The following TFAP2A variants were observed in gnomAD, a reference collection of about 807,000 sequenced individuals.
TFAP2A encodes the protein transcription factor AP-2 alpha, also known as transcription factor AP-2-alpha.
In TFAP2A, 7 loss-of-function variants were observed where a neutral mutation model predicts 41.5. The observed-to-expected ratio is 0.17, with a 90% CI of 0.10 to 0.32. The LOEUF is 0.32. Among genes scored for constraint, TFAP2A ranks in the 10% least tolerant of loss-of-function variants. The pLI is 1.00. For missense variants in TFAP2A, 416 were observed against 563.3 expected (o/e 0.74, Z 2.65); for synonymous variants, 247 against 242.8 (o/e 1.02, Z -0.16).
At chr6:10,413,723 T>C (rs899747183) in intron 1 of TFAP2A, among the ~76,000 whole-genome samples, 2 of 152,102 alleles carry the variant, frequency 1.3e-5, no homozygotes, top group African/African-American at 4.8e-5. Flanking sequence ...TAAAATAATC[T>C]TCAGAAAGAA....
At chr6:10,410,756 G>A in intron 1 of TFAP2A, 1 of 179,132 alleles carries the variant, frequency 5.6e-6, no homozygotes, top group Non-Finnish European at 1.2e-5. Context: ...TTTATTTGGA[G>A]AGAAAAAAAT....
rs753148250 is a variant in TFAP2A at position 10,415,026 on chromosome 6, C to G, written c.-35G>C. 3.1e-6 allele frequency: 5 copies of G among 1,613,952 alleles called. No individual in the cohort carries two copies. Among genetic ancestry groups the G allele is most frequent in the Admixed American group, 1.7e-5 (1 of 59,994 alleles). On this transcript the variant is annotated 5_prime_UTR_variant, in exon 1 of 7. Coordinates refer to ENST00000379613, the MANE Select transcript of TFAP2A (RefSeq NM_001372066.1). Reference sequence around the variant, plus strand: ...TGAACGGATATGCCCCTCTCGGTCTCGCACCCAAGTGGAGCTACTCTCTGG... The same window carrying G: ...TGAACGGATATGCCCCTCTCGGTCTGGCACCCAAGTGGAGCTACTCTCTGG...
intron 1 of TFAP2A, chr6:10,414,667 TC>T (rs1758167079): frequency 1.7e-6 from 1 of 586,064 alleles, no homozygotes; most frequent in Non-Finnish European, 3.0e-6. Flanking sequence ...GTTCTTCTTT[TC>T]CCCCATTCTT....
In TFAP2A at chr6:10,398,236, A is replaced by G. The variant is rs903119541; in HGVS notation, c.*181T>C. Reference sequence around the variant, plus strand: ...GAGTCGGAGAGGCTGCCCCACTGACAGTCGAGAGGGCAGTCCCGGAGACTC... The same window carrying G: ...GAGTCGGAGAGGCTGCCCCACTGACGGTCGAGAGGGCAGTCCCGGAGACTC... On this transcript the variant is annotated 3_prime_UTR_variant, in exon 7 of 7. Transcript: ENST00000379613. The surrounding 1 kb of genome is among the most constrained non-coding windows in gnomAD (Gnocchi z 5.3). 1 of 1,492,246 alleles carries G rather than the reference A, an allele frequency of 6.7e-7. No homozygotes were observed. The highest frequency in any genetic ancestry group is 2.1e-5 in the Admixed American group (1 of 46,702). 92.4% of individuals were successfully genotyped at this position (1,492,246 alleles called of 1,614,324 possible).
chr6:10,415,353 C>A, upstream of TFAP2A: 7 of 1,117,058 alleles, frequency 6.3e-6, no homozygotes, highest in Non-Finnish European at 8.1e-6. Flanking sequence ...GCCAGTACCA[C>A]AATCTGCCGC....
intron 1 of TFAP2A, among the ~76,000 whole-genome samples, chr6:10,410,615 A>G (rs1056156838): frequency 6.6e-6 from 1 of 152,206 alleles, no homozygotes; most frequent in Non-Finnish European, 1.5e-5. Context: ...AACACAGCCC[A>G]TTAAACTGCA....
intron 5 of TFAP2A, among the ~76,000 whole-genome samples, chr6:10,401,182 G>C (rs1761990949): frequency 6.6e-6 from 1 of 152,174 alleles, no homozygotes; most frequent in South Asian, 2.1e-4. Flanking sequence ...GCCAATTAGA[G>C]CATCAAAGCC....
upstream of TFAP2A, chr6:10,419,578 A>G (rs1023127531): frequency 1.6e-6 from 2 of 1,255,124 alleles, no homozygotes; most frequent in African/African-American, 2.9e-5. Flanking sequence ...TCACCTGGTC[A>G]TAAAGAGCTG....
intron 1 of TFAP2A, chr6:10,412,422 A>T: frequency 1.4e-5 from 2 of 142,792 alleles, no homozygotes; most frequent in Non-Finnish European, 2.8e-5. Flanking sequence ...GGGTGGGGAG[A>T]GGGGAGGGAG....
chr6:10,404,399 G>T, intron 4 of TFAP2A, 109 bp downstream of exon 4: 2 of 727,378 alleles, frequency 2.7e-6, no homozygotes, highest in South Asian at 4.8e-5. Context: ...TTCCCGCGTA[G>T]GGAGGGCCGC....
At chr6:10,414,816 C>A (rs568558635) in intron 1 of TFAP2A, 125 bp downstream of exon 1, 1 of 1,289,136 alleles carries the variant, frequency 7.8e-7, no homozygotes, top group Non-Finnish European at 1.1e-6. Context: ...GAGGGACGGG[C>A]GCTGCGCTGG....
intron 2 of TFAP2A, chr6:10,409,116 A>T (rs1052488839): frequency 6.6e-6 from 1 of 152,258 alleles, no homozygotes; most frequent in Non-Finnish European, 1.5e-5. Context: ...AATTATCAAT[A>T]GCCTGGTTTG....
In TFAP2A at chr6:10,409,478, T is replaced by G. The variant is rs951458728; in HGVS notation, c.486+423A>C. The G allele has an allele frequency of 1.5e-5, 3 of 204,524 alleles. No homozygotes were observed. The South Asian group carries it at 2.5e-4, about 17-fold the overall frequency. 12.7% of individuals were successfully genotyped at this position (204,524 alleles called of 1,614,324 possible). A position where few individuals can be genotyped will look rare whatever the true frequency, so the allele number is the denominator to read the frequency against. On this transcript the variant is annotated intron_variant, in intron 2 of 6. Transcript: ENST00000379613. ...CTTAGTGTGTCTTTTACACTTCCTTTTACATTTTGAGGACATTTAATGAGC... is the reference window on the plus strand; with the variant it reads ...CTTAGTGTGTCTTTTACACTTCCTTGTACATTTTGAGGACATTTAATGAGC...
upstream of TFAP2A, chr6:10,416,412 G>C (rs1050354129): frequency 1.4e-5 from 2 of 139,032 alleles, no homozygotes; most frequent in Non-Finnish European, 3.0e-5. Flanking sequence ...TCGGTTTTGG[G>C]ATTTTTTTTT....
rs189745839 is a variant in TFAP2A, at chr6:10,411,103, T to C, written c.52-768A>G. 9.5e-3 allele frequency: 1,275 copies of C among 134,252 alleles called. 19 individuals carry two copies. The highest frequency in any genetic ancestry group is 0.034 in the African/African-American group (1,184 of 35,214). 8.3% of individuals were successfully genotyped at this position (134,252 alleles called of 1,614,324 possible). ...CAAAGGGCAGAAGAAACGCCTGACT[T>C]TAGGTTTCTCTATTGCAATTCCCTT... On this transcript the variant is annotated intron_variant, in intron 1 of 6. Transcript: ENST00000379613.
At chr6:10,404,785 C>T in intron 3 of TFAP2A, 46 bp from the exon 4 acceptor site, 2 of 1,562,078 alleles carry the variant, frequency 1.3e-6, no homozygotes, top group Non-Finnish European at 1.8e-6. Flanking sequence ...CGTGGATCAC[C>T]CCCAAATCCT....
At position 10,415,022 on chromosome 6, in the gene TFAP2A, G is replaced by A. The variant is rs768100385; in HGVS notation, c.-31C>T. The A allele has an allele frequency of 1.2e-6, 2 of 1,614,078 alleles. No individual in the cohort carries two copies. Among genetic ancestry groups the A allele is most frequent in the Admixed American group, 3.3e-5 (2 of 60,012 alleles). ...GGCGTGAACGGATATGCCCCTCTCG[G>A]TCTCGCACCCAAGTGGAGCTACTCT... On this transcript the variant is annotated 5_prime_UTR_variant, in exon 1 of 7. Coordinates refer to ENST00000379613, the MANE Select transcript of TFAP2A (RefSeq NM_001372066.1).
Position 10,401,802 on chromosome 6 carries a change from G to A in TFAP2A, c.889+690C>T, listed in dbSNP as rs537749453. Among the ~76,000 whole-genome samples, 7 of 152,318 alleles carry A rather than the reference G, an allele frequency of 4.6e-5. No individual in the cohort carries two copies. The South Asian group carries it at 1.2e-3, about 27-fold the overall frequency. On this transcript the variant is annotated intron_variant, in intron 5 of 6. Coordinates refer to ENST00000379613, the MANE Select transcript of TFAP2A (RefSeq NM_001372066.1). ...AGAAAAACTTAATCTAGAGGCAGCA[G>A]GAATATGAGTGGCTTCCGGTGGCAG...
intron 2 of TFAP2A, 128 bp from the exon 3 acceptor site, chr6:10,406,972 A>T: frequency 1.3e-6 from 1 of 794,098 alleles, no homozygotes; most frequent in African/African-American, 1.7e-5. Flanking sequence ...TGACATTTAT[A>T]TATAAACATC....
Sources: gnomAD v4.1 joint callset for allele counts (sites outside exome capture counted in the v4.1 genomes callset) on GRCh38, gnomAD v4.1.1 for gene constraint, Gnocchi (gnomAD v3.1) non-coding constraint, MANE v1.5 for transcripts, NCBI Gene and HGNC (gene_info 2026-07-23, HGNC 2026-07-21) for gene names.